Variants in DCBLD2 observed in about 807,000 individuals in gnomAD.
DCBLD2 encodes discoidin, CUB and LCCL domain containing 2, also known as discoidin, CUB and LCCL domain-containing protein 2.
Under a neutral mutation model 86.8 loss-of-function variants are expected in DCBLD2, and 54 were observed. The observed-to-expected ratio is 0.62, with a 90% CI of 0.50 to 0.78. DCBLD2 has a LOEUF of 0.78. DCBLD2 is among the 30% of genes least tolerant of loss of function. DCBLD2 has a pLI of 0.00. For synonymous variants in DCBLD2, 354 were observed against 341.3 expected, an observed-to-expected ratio of 1.04 and a Z score of -0.41; for missense variants, 908 against 954.2, an observed-to-expected ratio of 0.95 and a Z score of 0.64.
Position 98,800,651 on chromosome 3 carries a change from G to A in DCBLD2, c.1786C>T (p.Arg596Cys), listed in dbSNP as rs370426957. The change falls in exon 15 of 16, where the codon CGC becomes TGC. Residue 596 changes from arginine (R) to cysteine (C), a missense_variant. Coordinates refer to ENST00000326840, the MANE Select transcript of DCBLD2 (RefSeq NM_080927.4). ...TGATTAACTTCGCTGCTGCTATAGC[G>A]AACTGGGGTTTCCTCATGGTCCACT... ...KAVDHEETPV[R>C]YSSSEVNHLS... 3.8e-5 allele frequency: 62 copies of A among 1,613,820 alleles called. No homozygotes were observed. The highest frequency in any genetic ancestry group is 1.6e-4 in the Middle Eastern group (1 of 6,084).
intron 1 of DCBLD2, among the ~76,000 whole-genome samples, chr3:98,898,391 C>A (rs1943786938): frequency 6.7e-6 from 1 of 150,202 alleles, no homozygotes; most frequent in Non-Finnish European, 1.5e-5. Context: ...TCTACCTCTC[C>A]ATACTAGATG....
At chr3:98,844,649 C>T (rs1215067900) in intron 3 of DCBLD2, among the ~76,000 whole-genome samples, 1 of 152,106 alleles carries the variant, frequency 6.6e-6, no homozygotes, top group African/African-American at 2.4e-5. Flanking sequence ...AAGTGTGAAC[C>T]ACCGCACCTG....
chr3:98,869,262 T>C (rs1024440176), intron 2 of DCBLD2, among the ~76,000 whole-genome samples: 22 of 152,338 alleles, frequency 1.4e-4, no homozygotes, highest in African/African-American at 5.3e-4. Context: ...TTTTGAGAAA[T>C]GTCTGTTCAT....
Position 98,894,990 on chromosome 3 carries a change from G to C in DCBLD2, c.205+6132C>G. ...TCATAAAGGGATGATACCCAAGAAG[G>C]GTTTTGAAGGCTGATCGAGAGTTTA... is the stretch of plus-strand genomic sequence containing the variant. On this transcript the variant is annotated intron_variant, in intron 1 of 15. Coordinates refer to ENST00000326840, the MANE Select transcript of DCBLD2 (RefSeq NM_080927.4). Among the ~76,000 whole-genome samples, 2 of 151,982 alleles carry C rather than the reference G, an allele frequency of 1.3e-5. 1 individual carries two copies. The highest frequency in any genetic ancestry group is 1.3e-4 in the Admixed American group (2 of 15,254).
intron 4 of DCBLD2, 34 bp downstream of exon 4, chr3:98,825,281 A>G: frequency 3.4e-6 from 1 of 290,406 alleles, no homozygotes; most frequent in Non-Finnish European, 4.7e-6. Context: ...CATTTAAGCA[A>G]AAAAAAAAAA....
intron 2 of DCBLD2, among the ~76,000 whole-genome samples, chr3:98,861,002 T>A (rs1467587172): frequency 6.6e-6 from 1 of 152,164 alleles, no homozygotes; most frequent in East Asian, 1.9e-4. Context: ...GAGACACACA[T>A]AGGCTCAAAA....
At chr3:98,808,291 C>T in intron 12 of DCBLD2, 117 bp from the exon 13 acceptor site, 3 of 860,862 alleles carry the variant, frequency 3.5e-6, no homozygotes, top group East Asian at 5.8e-5. Flanking sequence ...ACGGAAATAC[C>T]ATAAACATTA....
At chr3:98,855,812 G>T (rs893139052) in intron 2 of DCBLD2, among the ~76,000 whole-genome samples, 1 of 152,142 alleles carries the variant, frequency 6.6e-6, no homozygotes, top group African/African-American at 2.4e-5. Context: ...TCTCTCTTAT[G>T]AAACTTCTAC....
intron 3 of DCBLD2, among the ~76,000 whole-genome samples, chr3:98,842,117 A>G (rs1942632735): frequency 1.3e-5 from 2 of 152,178 alleles, no homozygotes; most frequent in African/African-American, 2.4e-5. Flanking sequence ...ATTTACTAGA[A>G]ATAAGAAAAT....
chr3:98,859,358 G>C (rs965238099), intron 2 of DCBLD2, among the ~76,000 whole-genome samples: 6 of 152,206 alleles, frequency 3.9e-5, no homozygotes, highest in African/African-American at 1.4e-4. Context: ...GTCCCTGTCT[G>C]ACAGCTTTGA....
intron 2 of DCBLD2, among the ~76,000 whole-genome samples, chr3:98,870,791 AAGAAAGAAAG>A (rs1576194885): frequency 6.6e-6 from 1 of 151,018 alleles, no homozygotes; most frequent in East Asian, 2.0e-4. Context: ...GAAAGAAAGA[AAGAAAGAAAG>A]AAAGAAAGAA....
chr3:98,835,957 A>ATTT (rs1942437943), intron 3 of DCBLD2, among the ~76,000 whole-genome samples: 1 of 35,826 alleles, frequency 2.8e-5, no homozygotes, highest in South Asian at 7.8e-4. Flanking sequence ...TTTTTTTAAG[A>ATTT]TTTTTAAATT....
chr3:98,822,096 T>A, intron 6 of DCBLD2, 132 bp downstream of exon 6: 1 of 1,112,500 alleles, frequency 9.0e-7, no homozygotes. Flanking sequence ...ATGTGAGTGC[T>A]TACTGCCTAA....
chr3:98,863,919 C>T (rs1943092622), intron 2 of DCBLD2, among the ~76,000 whole-genome samples: 1 of 152,140 alleles, frequency 6.6e-6, no homozygotes, highest in African/African-American at 2.4e-5. Flanking sequence ...AGTGAACAGG[C>T]AACCTACAGG....
chr3:98,891,572 C>G (rs1467031517), intron 1 of DCBLD2, among the ~76,000 whole-genome samples: 10 of 152,014 alleles, frequency 6.6e-5, no homozygotes, highest in Admixed American at 6.6e-4. Flanking sequence ...TTTAGAAATC[C>G]TTTAACTGTT....
At chr3:98,887,090 T>C (rs1943576725) in intron 1 of DCBLD2, among the ~76,000 whole-genome samples, 1 of 151,942 alleles carries the variant, frequency 6.6e-6, no homozygotes, top group South Asian at 2.1e-4. Context: ...AACATTGTGA[T>C]TTCCAAAATT....
At chr3:98,839,025 C>CGGGAGA (rs1292298780) in intron 3 of DCBLD2, among the ~76,000 whole-genome samples, 2 of 149,698 alleles carry the variant, frequency 1.3e-5, no homozygotes, top group African/African-American at 5.0e-5. Flanking sequence ...GGGAGACCGT[C>CGGGAGA]GGGAGAGGGA....
At position 98,798,866 on chromosome 3, in the gene DCBLD2, A is replaced by G. The variant is rs1941660451; in HGVS notation, c.*506T>C. ...ATAAGTGGATATGGCTGCAATAAAA[A>G]CAATGCTTATATCACTAATTATTAA... On this transcript the variant is annotated 3_prime_UTR_variant, in exon 16 of 16. Coordinates refer to ENST00000326840, the MANE Select transcript of DCBLD2 (RefSeq NM_080927.4). The G allele has an allele frequency of 6.5e-6, 1 of 152,974 alleles. No homozygotes were observed. The highest frequency in any genetic ancestry group is 2.4e-5 in the African/African-American group (1 of 41,456). 9.5% of individuals were successfully genotyped at this position (152,974 alleles called of 1,614,324 possible). A position where few individuals can be genotyped will look rare whatever the true frequency, so the allele number is the denominator to read the frequency against.
intron 2 of DCBLD2, among the ~76,000 whole-genome samples, chr3:98,868,547 G>A (rs1943201562): frequency 6.6e-6 from 1 of 152,228 alleles, no homozygotes; most frequent in Admixed American, 6.5e-5. Flanking sequence ...TGAGCTTTTA[G>A]TGTACCCATC....
Sources: allele counts gnomAD v4.1 joint callset (sites outside exome capture counted in the v4.1 genomes callset), GRCh38; gene constraint gnomAD v4.1.1; transcripts MANE v1.5; gene names NCBI Gene and HGNC (gene_info 2026-07-23, HGNC 2026-07-21).